RPTOR: variants seen among roughly 807,000 people sequenced by gnomAD.
RPTOR encodes the protein regulatory-associated protein of mTOR.
In RPTOR, 21 loss-of-function variants were observed where a neutral mutation model predicts 169.9. The ratio of observed to expected loss-of-function variants is 0.12; its 90% CI spans 0.09 to 0.18. The LOEUF is 0.18. Among genes scored for constraint, RPTOR ranks in the 10% least tolerant of loss-of-function variants. The probability of loss-of-function intolerance (pLI) is 1.00; values close to 1 mark genes in which losing one functional copy is unlikely to be tolerated. For synonymous variants in RPTOR, 732 were observed against 753.2 expected, an observed-to-expected ratio of 0.97 and a Z score of 0.46; for missense variants, 1,133 against 1,855.9, an observed-to-expected ratio of 0.61 and a Z score of 7.16.
chr17:80,718,855 C>G (rs1278419478), intron 4 of RPTOR, among the ~76,000 whole-genome samples: 1 of 152,100 alleles, frequency 6.6e-6, no homozygotes, highest in African/African-American at 2.4e-5. Context: ...CCTTTTGATG[C>G]CGTGTGAAGC....
chr17:80,873,142 G>A (rs1349986195), intron 13 of RPTOR, among the ~76,000 whole-genome samples: 2 of 152,172 alleles, frequency 1.3e-5, no homozygotes, highest in Non-Finnish European at 2.9e-5. Context: ...GGCTGGGTTC[G>A]TTGCAGGTCC....
chr17:80,884,263 C>T (rs895143398), intron 16 of RPTOR, among the ~76,000 whole-genome samples: 1 of 152,240 alleles, frequency 6.6e-6, no homozygotes, highest in Non-Finnish European at 1.5e-5. Flanking sequence ...TGCCGCTCTG[C>T]GTCCTCACTG....
Position 80,708,826 on chromosome 17 carries a change from G to A in RPTOR, c.507+827G>A, listed in dbSNP as rs1003765967. On this transcript the variant is annotated intron_variant, in intron 4 of 33. Coordinates refer to ENST00000306801, the MANE Select transcript of RPTOR (RefSeq NM_020761.3). This position sits in a 1 kb window ranked among gnomAD's most constrained non-coding sequence, Gnocchi z 4.2. ...GGTGGCCCCATATGTGCCTGAGCGT[G>A]TCTATGAGGGCACTGATTTGGAATC... 1.1e-5 allele frequency: 6 copies of A among 548,768 alleles called. No homozygotes were observed. The highest frequency in any genetic ancestry group is 9.3e-4 in the Middle Eastern group (1 of 1,072). 34.0% of individuals were successfully genotyped at this position (548,768 alleles called of 1,614,324 possible). A position where few individuals can be genotyped will look rare whatever the true frequency, so the allele number is the denominator to read the frequency against.
rs970328779 is a variant in RPTOR at position 80,731,421 on chromosome 17, G to A, written c.654+715G>A. ...TTGTGTTAAAAAAAAAAAAATCCCCGAAAACCACTAAGCTAAAATGATAGA... is the reference window on the plus strand; with the variant it reads ...TTGTGTTAAAAAAAAAAAAATCCCCAAAAACCACTAAGCTAAAATGATAGA... On this transcript the variant is annotated intron_variant, in intron 5 of 33. Transcript: ENST00000306801. Among the ~76,000 whole-genome samples, 105 of 151,680 alleles carry A rather than the reference G, an allele frequency of 6.9e-4. 1 individual carries two copies. Among genetic ancestry groups the A allele is most frequent in the Admixed American group, 4.6e-4 (7 of 15,246 alleles).
Position 80,923,512 on chromosome 17 carries a change from A to ACCAGCAGCT in RPTOR, c.2653_2661dup (p.Ser885_Ser887dup). The ACCAGCAGCT allele has an allele frequency of 6.2e-7, 1 of 1,613,318 alleles. No individual in the cohort carries two copies. On this transcript the variant is annotated inframe_insertion, in exon 23 of 34. Transcript: ENST00000306801. ...CAGGGGCTCCCCTCCGGCGTCCAGC[A>ACCAGCAGCT]CCAGCAGCTCCAGCCTGACCAACGA... is the stretch of plus-strand genomic sequence containing the variant.
At chr17:80,629,944 A>G (rs952180613) in intron 2 of RPTOR, among the ~76,000 whole-genome samples, 6 of 152,222 alleles carry the variant, frequency 3.9e-5, no homozygotes, top group African/African-American at 1.4e-4. Context: ...GTTCTCTCCC[A>G]TGTCACAATG....
chr17:80,700,466 GTGGTGGTGGTGATGA>G (rs1192434767), intron 3 of RPTOR, among the ~76,000 whole-genome samples: 5 of 131,800 alleles, frequency 3.8e-5, no homozygotes, highest in African/African-American at 9.0e-5. Context: ...GGTGGTGGTG[GTGGTGGTGGTGATGA>G]TGGTGGTGGT....
chr17:80,564,768 C>T (rs1268744250), intron 1 of RPTOR, among the ~76,000 whole-genome samples: 2 of 152,060 alleles, frequency 1.3e-5, no homozygotes, highest in Non-Finnish European at 2.9e-5. Context: ...CTCAAGTAGG[C>T]CCCAGTGTGT....
At chr17:80,762,632 G>T (rs1363477084) in intron 6 of RPTOR, among the ~76,000 whole-genome samples, 1 of 152,214 alleles carries the variant, frequency 6.6e-6, no homozygotes, top group Non-Finnish European at 1.5e-5. Flanking sequence ...CAGGAAGAAA[G>T]ACCAGTTGGA....
At chr17:80,883,550 T>A in intron 15 of RPTOR, 66 bp downstream of exon 15, 2 of 1,514,336 alleles carry the variant, frequency 1.3e-6, no homozygotes, top group East Asian at 2.3e-5. Context: ...CTGGGCCCAC[T>A]GTGAAACGTG....
intron 28 of RPTOR, among the ~76,000 whole-genome samples, chr17:80,953,816 T>C (rs1313859238): frequency 6.6e-6 from 1 of 152,202 alleles, no homozygotes; most frequent in Admixed American, 6.5e-5. Context: ...GGGAAGTATG[T>C]GCCCTCCCGC....
intron 16 of RPTOR, 146 bp from the exon 17 acceptor site, chr17:80,884,862 A>G (rs2672877): frequency 0.52 from 556,881 of 1,079,862 alleles, 146,797 homozygotes; most frequent in African/African-American, 0.71. Context: ...TGCCACTCTG[A>G]TAGTGCGAGG....
At position 80,940,500 on chromosome 17, in the gene RPTOR, C is replaced by T. The variant is rs1250415645; in HGVS notation, c.2924C>T (p.Pro975Leu). ...GGGTGTTTTCTGTTGTTGAAGATCC[C>T]AGAAGAGCACGACCTGGAGAGTCAG... ...RYFAQPVMKI[P>L]EEHDLESQIR... Residue 975 changes from proline (P) to leucine (L), a missense_variant, in exon 25 of 34, where the codon CCA becomes CTA. Transcript: ENST00000306801. 1 of 1,613,210 alleles carries T rather than the reference C, an allele frequency of 6.2e-7. No homozygotes were observed. Among genetic ancestry groups the T allele is most frequent in the Non-Finnish European group, 8.5e-7 (1 of 1,179,702 alleles).
chr17:80,855,887 C>T (rs1001600841), intron 12 of RPTOR, among the ~76,000 whole-genome samples: 3 of 152,292 alleles, frequency 2.0e-5, no homozygotes, highest in South Asian at 4.1e-4. Context: ...CTGAGCCTGA[C>T]GCAGCACCCA....
At chr17:80,893,420 G>A (rs1009045047) in intron 19 of RPTOR, among the ~76,000 whole-genome samples, 1 of 138,424 alleles carries the variant, frequency 7.2e-6, no homozygotes, top group Non-Finnish European at 1.5e-5. Flanking sequence ...GTACAAGGGT[G>A]TGTGTGTGCC....
At chr17:80,954,887 A>T (rs962930991) in intron 28 of RPTOR, among the ~76,000 whole-genome samples, 1 of 152,184 alleles carries the variant, frequency 6.6e-6, no homozygotes, top group Non-Finnish European at 1.5e-5. Flanking sequence ...ACTGCACTCC[A>T]GCCTGGGCAA....
intron 5 of RPTOR, among the ~76,000 whole-genome samples, chr17:80,742,819 C>G (rs940892925): frequency 6.6e-6 from 1 of 152,066 alleles, no homozygotes; most frequent in Non-Finnish European, 1.5e-5. Flanking sequence ...CACATATATA[C>G]ATGCCCACCT....
chr17:80,911,102 A>G (rs1418768485), intron 21 of RPTOR, among the ~76,000 whole-genome samples: 1 of 152,102 alleles, frequency 6.6e-6, no homozygotes, highest in East Asian at 1.9e-4. Context: ...AAGTGCTGGG[A>G]TTACAGGCGT....
intron 13 of RPTOR, among the ~76,000 whole-genome samples, chr17:80,859,965 G>A (rs984930082): frequency 3.9e-5 from 6 of 152,130 alleles, no homozygotes; most frequent in Admixed American, 6.5e-5. Context: ...TGCCCACACA[G>A]GGAAATGGAA....
Sources: allele counts gnomAD v4.1 joint callset (sites outside exome capture counted in the v4.1 genomes callset), GRCh38; gene constraint gnomAD v4.1.1; non-coding constraint Gnocchi (gnomAD v3.1); transcripts MANE v1.5; gene names NCBI Gene and HGNC (gene_info 2026-07-23, HGNC 2026-07-21).